The following SAP130 variants were observed in gnomAD, a reference collection of about 807,000 sequenced individuals.
SAP130 encodes Sin3A associated protein 130, also known as histone deacetylase complex subunit SAP130.
SAP130 carries 16 observed loss-of-function variants against 103.2 expected under a neutral mutation model. That is an observed-to-expected ratio of 0.16 (90% CI 0.10 to 0.24). SAP130 has a LOEUF of 0.24. Among genes scored for constraint, SAP130 ranks in the 10% least tolerant of loss-of-function variants. The probability of loss-of-function intolerance (pLI) is 1.00; values close to 1 mark genes in which losing one functional copy is unlikely to be tolerated. For synonymous variants in SAP130, 477 were observed against 497.0 expected (o/e 0.96, Z 0.53); for missense variants, 990 against 1,359.7 (o/e 0.73, Z 4.28).
chr2:127,981,863 G>A (rs1239438719), intron 14 of SAP130, among the ~76,000 whole-genome samples: 2 of 149,882 alleles, frequency 1.3e-5, no homozygotes, highest in South Asian at 2.1e-4. Flanking sequence ...CCCCGACCCC[G>A]ACCCAGTTCT....
intron 18 of SAP130, among the ~76,000 whole-genome samples, chr2:127,947,026 GGA>G (rs930255829): frequency 1.3e-5 from 2 of 149,722 alleles, no homozygotes; most frequent in African/African-American, 4.9e-5. Context: ...GGGGAGAGAA[GGA>G]GAGAGAGAGA....
intron 4 of SAP130, 95 bp downstream of exon 4, chr2:128,016,294 A>C: frequency 2.3e-6 from 3 of 1,291,026 alleles, no homozygotes; most frequent in African/African-American, 1.5e-5. Context: ...ATCTTTTTTT[A>C]TTACCGTGAC....
At chr2:127,968,174 T>G (rs187122508) in intron 15 of SAP130, among the ~76,000 whole-genome samples, 1 of 151,554 alleles carries the variant, frequency 6.6e-6, no homozygotes, top group Admixed American at 6.6e-5. Context: ...AATGGCACCA[T>G]CTTGGCTCAC....
At position 127,992,870 on chromosome 2, in the gene SAP130, T is replaced by C. The variant is rs75910278; in HGVS notation, c.1477+317A>G. ...AAATTTTTTAAAAATATAGCCAAGA[T>C]TTGCATAAAACAATGGAAACCCTAT... On this transcript the variant is annotated intron_variant, in intron 12 of 20. Coordinates refer to ENST00000643581, the MANE Select transcript of SAP130 (RefSeq NM_001330301.2). Among the ~76,000 whole-genome samples the C allele has an allele frequency of 7.1e-3, 1,086 of 152,270 alleles. 18 individuals are homozygous for C. Among genetic ancestry groups the C allele is most frequent in the African/African-American group, 0.025 (1,042 of 41,552 alleles).
At chr2:127,992,203 C>T (rs940037360) in intron 12 of SAP130, among the ~76,000 whole-genome samples, 4 of 151,926 alleles carry the variant, frequency 2.6e-5, no homozygotes, top group Non-Finnish European at 5.9e-5. Flanking sequence ...AACTTTTGGG[C>T]CCAAGTGATC....
chr2:127,981,934 C>T (rs1681967926), intron 14 of SAP130, among the ~76,000 whole-genome samples: 1 of 152,148 alleles, frequency 6.6e-6, no homozygotes, highest in South Asian at 2.1e-4. Context: ...TGTGGTGGAG[C>T]AGCCAAGCAG....
chr2:127,941,673 A>G lies in SAP130; in HGVS notation c.*333T>C, dbSNP rs1372643817. 4 of 299,250 alleles carry G rather than the reference A, an allele frequency of 1.3e-5. No homozygotes were observed. Among genetic ancestry groups the G allele is most frequent in the Middle Eastern group, 1.0e-3 (1 of 1,004 alleles). 18.5% of individuals were successfully genotyped at this position (299,250 alleles called of 1,614,324 possible). ...TATGGGGCCTGCAGGAATCCACTAGATAAATACAGTCTATAAACCGGAAGG... is the reference window on the plus strand; with the variant it reads ...TATGGGGCCTGCAGGAATCCACTAGGTAAATACAGTCTATAAACCGGAAGG... On this transcript the variant is annotated 3_prime_UTR_variant, in exon 21 of 21. Coordinates refer to ENST00000643581, the MANE Select transcript of SAP130 (RefSeq NM_001330301.2).
In SAP130 at chr2:127,955,519, C is replaced by A. The variant is rs1679781210; in HGVS notation, c.2064-175G>T. 6.6e-6 allele frequency among the ~76,000 whole-genome samples: 1 copy of A among 152,134 alleles called. No individual in the cohort carries two copies. Among genetic ancestry groups the A allele is most frequent in the African/African-American group, 2.4e-5 (1 of 41,418 alleles). The stretch of plus-strand genomic sequence containing the variant: ...AAAAAAATTTTGAGACAGGGTCTCA[C>A]TCTGTTACCCATGCTGGAGTGAAGT... On this transcript the variant is annotated intron_variant, in intron 15 of 20. Coordinates refer to ENST00000643581, the MANE Select transcript of SAP130 (RefSeq NM_001330301.2). The surrounding 1 kb of genome is among the most constrained non-coding windows in gnomAD (Gnocchi z 4.9).
Position 127,942,313 on chromosome 2 carries a change from G to GT in SAP130, c.3015+110dup, listed in dbSNP as rs1278799843. On this transcript the variant is annotated intron_variant, in intron 20 of 20. Coordinates refer to ENST00000643581, the MANE Select transcript of SAP130 (RefSeq NM_001330301.2). The surrounding 1 kb of genome is among the most constrained non-coding windows in gnomAD (Gnocchi z 4.8). ...TTCTCAGGAGTGCAGGCTGAAGCAC[G>GT]TATGTTTTTACTGAAGATATGAGGG... 2.8e-6 allele frequency: 3 copies of GT among 1,082,918 alleles called. No homozygotes were observed. The highest frequency in any genetic ancestry group is 2.8e-5 in the South Asian group (2 of 70,640). 67.1% of individuals were successfully genotyped at this position (1,082,918 alleles called of 1,614,324 possible).
chr2:127,968,803 T>C (rs1044428410), intron 15 of SAP130, among the ~76,000 whole-genome samples: 6 of 152,122 alleles, frequency 3.9e-5, no homozygotes, highest in Non-Finnish European at 7.3e-5. Flanking sequence ...GAGGGCACTG[T>C]GCCCAGCCTG....
intron 15 of SAP130, among the ~76,000 whole-genome samples, chr2:127,958,763 G>A (rs1053571037): frequency 6.6e-6 from 1 of 151,784 alleles, no homozygotes; most frequent in Non-Finnish European, 1.5e-5. Context: ...CCAGATTCAG[G>A]TGATCCTCCT....
chr2:127,944,049 T>G (rs1259703735), intron 19 of SAP130, among the ~76,000 whole-genome samples: 1 of 152,194 alleles, frequency 6.6e-6, no homozygotes, highest in Non-Finnish European at 1.5e-5. Flanking sequence ...CTTCCTTTTT[T>G]TTGAGAGTGT....
intron 5 of SAP130, among the ~76,000 whole-genome samples, chr2:128,014,281 G>A (rs1684608228): frequency 6.6e-6 from 1 of 151,980 alleles, no homozygotes; most frequent in Non-Finnish European, 1.5e-5. Flanking sequence ...CTGGAGTGCA[G>A]CGGCGCAATC....
chr2:127,975,958 C>T (rs1421441810), intron 15 of SAP130, among the ~76,000 whole-genome samples: 1 of 152,180 alleles, frequency 6.6e-6, no homozygotes, highest in Non-Finnish European at 1.5e-5. Context: ...CATTCTCCTG[C>T]CTCAGCCTCC....
intron 14 of SAP130, among the ~76,000 whole-genome samples, chr2:127,985,186 AAGATTTT>A (rs1682285047): frequency 6.6e-6 from 1 of 152,348 alleles, no homozygotes; most frequent in Non-Finnish European, 1.5e-5. Context: ...ATGAGACAGA[AAGATTTT>A]AGATGTGTGT....
chr2:128,008,035 G>A (rs1356411256), intron 7 of SAP130, among the ~76,000 whole-genome samples: 4 of 152,140 alleles, frequency 2.6e-5, no homozygotes, highest in Admixed American at 1.3e-4. Flanking sequence ...AGGCATCTCC[G>A]ATTCCTCTTT....
chr2:127,950,312 G>T lies in SAP130; in HGVS notation c.2519C>A (p.Ser840Tyr). The change falls in exon 17 of 21, where the codon TCC becomes TAC. Residue 840 changes from serine (S) to tyrosine (Y), a missense_variant. By Grantham distance (144) the Ser-to-Tyr change is moderately radical. This residue lies in a region of SAP130 where 349 missense variants were observed against 384.1 expected (regional missense o/e 0.91). Transcript: ENST00000643581. ...MPTSDLPPGA[S>Y]PRKKPRKQQH... ...TTGCTTTCGAGGCTTTTTCCTTGGG[G>T]AGGCACCAGGTGGTAGGTCACTTGT... 6.2e-7 allele frequency: 1 copy of T among 1,614,210 alleles called. No homozygotes were observed. The highest frequency in any genetic ancestry group is 8.5e-7 in the Non-Finnish European group (1 of 1,180,030).
chr2:127,971,456 T>C (rs1290435789), intron 15 of SAP130, among the ~76,000 whole-genome samples: 2 of 152,090 alleles, frequency 1.3e-5, no homozygotes, highest in Admixed American at 6.6e-5. Flanking sequence ...TGGCTAATTT[T>C]TTGTATGTTT....
chr2:128,017,358 C>T (rs1418404696), intron 3 of SAP130, among the ~76,000 whole-genome samples: 4 of 151,908 alleles, frequency 2.6e-5, no homozygotes, highest in Non-Finnish European at 4.4e-5. Context: ...TGTCATTAAG[C>T]CCCCACTGCT....
Sources: gnomAD v4.1 joint callset for allele counts (sites outside exome capture counted in the v4.1 genomes callset) on GRCh38, gnomAD v4.1.1 for gene constraint, gnomAD v4.1.1 regional missense constraint, Gnocchi (gnomAD v3.1) non-coding constraint, MANE v1.5 for transcripts, NCBI Gene and HGNC (gene_info 2026-07-23, HGNC 2026-07-21) for gene names.